The following JAKMIP2 variants were observed in gnomAD, a reference collection of about 807,000 sequenced individuals.
JAKMIP2 encodes janus kinase and microtubule-interacting protein 2.
In JAKMIP2, 25 loss-of-function variants were observed where a neutral mutation model predicts 115.0. That is an observed-to-expected ratio of 0.22 (90% CI 0.16 to 0.30). JAKMIP2 has a LOEUF of 0.30. JAKMIP2 is among the 10% of genes least tolerant of loss of function. The probability of loss-of-function intolerance (pLI) is 1.00; values close to 1 mark genes in which losing one functional copy is unlikely to be tolerated. For synonymous variants in JAKMIP2, 334 were observed against 343.6 expected (o/e 0.97, Z 0.31); for missense variants, 642 against 957.6 (o/e 0.67, Z 4.35).
intron 3 of JAKMIP2, among the ~76,000 whole-genome samples, chr5:147,658,413 T>C (rs1189611672): frequency 2.0e-5 from 3 of 152,218 alleles, no homozygotes; most frequent in South Asian, 4.1e-4. Flanking sequence ...ACTGGCCTGA[T>C]GCCAGCCAGA....
chr5:147,715,082 A>G (rs1752919799), intron 1 of JAKMIP2, among the ~76,000 whole-genome samples: 1 of 152,100 alleles, frequency 6.6e-6, no homozygotes, highest in South Asian at 2.1e-4. Flanking sequence ...AGAAACATAA[A>G]TGTATGTATT....
intron 1 of JAKMIP2, among the ~76,000 whole-genome samples, chr5:147,721,463 C>T (rs890628771): frequency 6.6e-6 from 1 of 152,182 alleles, no homozygotes; most frequent in African/African-American, 2.4e-5. Context: ...TGCCACCTTG[C>T]AGTTTGATCT....
Position 147,623,635 on chromosome 5 carries a change from A to G in JAKMIP2, c.2050T>C (p.Leu684=), listed in dbSNP as rs770939320. 3 of 1,607,220 alleles carry G rather than the reference A, an allele frequency of 1.9e-6. No individual in the cohort carries two copies. Among genetic ancestry groups the G allele is most frequent in the East Asian group, 4.5e-5 (2 of 44,836 alleles). The part of the protein sequence containing the change: ...EAALHQKMME[L]ESDMEQFCKI... ...CTTGTACTTACCATGTCACTTTCCAATTCCATCATTTTCTGGTGTAGGGCA... is the reference window on the plus strand; with the variant it reads ...CTTGTACTTACCATGTCACTTTCCAGTTCCATCATTTTCTGGTGTAGGGCA... The change falls in exon 17 of 22, where the codon TTG becomes CTG. Residue 684 remains leucine (L), a synonymous_variant. Transcript: ENST00000616793.
At chr5:147,650,051 T>G (rs1037077536) in intron 4 of JAKMIP2, among the ~76,000 whole-genome samples, 14 of 152,132 alleles carry the variant, frequency 9.2e-5, no homozygotes, top group Non-Finnish European at 7.4e-5. Context: ...TTCATCTAAT[T>G]TATGTTTCTT....
chr5:147,647,163 T>C (rs1036279024), intron 5 of JAKMIP2, among the ~76,000 whole-genome samples: 1 of 151,996 alleles, frequency 6.6e-6, no homozygotes, highest in East Asian at 1.9e-4. Context: ...CTGACTATAG[T>C]AGAATTAAGG....
intron 19 of JAKMIP2, among the ~76,000 whole-genome samples, chr5:147,613,778 T>C (rs759573835): frequency 6.6e-6 from 1 of 152,194 alleles, no homozygotes; most frequent in Non-Finnish European, 1.5e-5. Flanking sequence ...GTGCTGAAAT[T>C]GAGAAACTCT....
In JAKMIP2 at chr5:147,727,513, G is replaced by A. The variant is rs544053165; in HGVS notation, c.-149+54943C>T. Among the ~76,000 whole-genome samples the A allele has an allele frequency of 1.1e-3, 173 of 152,292 alleles. 1 individual carries two copies. The highest frequency in any genetic ancestry group is 1.9e-3 in the Non-Finnish European group (129 of 68,032). On this transcript the variant is annotated intron_variant, in intron 1 of 21. Coordinates refer to ENST00000616793, the MANE Select transcript of JAKMIP2 (RefSeq NM_001270941.2). ...TCACATGGCAGCAGGAGAGAATGCA[G>A]GAGGAACTGCCAAACACTTTTAAAG...
chr5:147,654,645 A>T (rs976935987), intron 3 of JAKMIP2, among the ~76,000 whole-genome samples: 1 of 152,182 alleles, frequency 6.6e-6, no homozygotes, highest in African/African-American at 2.4e-5. Context: ...ATACAGAATC[A>T]CGTCATCTGC....
chr5:147,761,971 A>C (rs2127048884), intron 1 of JAKMIP2, among the ~76,000 whole-genome samples: 1 of 152,282 alleles, frequency 6.6e-6, no homozygotes, highest in East Asian at 1.9e-4. Flanking sequence ...ACATGGGATA[A>C]AAATACATAT....
chr5:147,703,590 A>G (rs73271933), intron 1 of JAKMIP2, among the ~76,000 whole-genome samples: 11,658 of 147,836 alleles, frequency 0.079, 812 homozygotes, highest in East Asian at 0.33. Flanking sequence ...AGCGTACTGT[A>G]ACTTTTTTTT....
chr5:147,756,271 C>T (rs997023208), intron 1 of JAKMIP2, among the ~76,000 whole-genome samples: 2 of 152,072 alleles, frequency 1.3e-5, no homozygotes, highest in Admixed American at 6.6e-5. Context: ...GTTGTCTTTA[C>T]AGGAGAAATC....
chr5:147,665,831 A>C (rs531408660), intron 2 of JAKMIP2, among the ~76,000 whole-genome samples: 1 of 152,192 alleles, frequency 6.6e-6, no homozygotes, highest in Non-Finnish European at 1.5e-5. Flanking sequence ...ATTTATGTCA[A>C]ATTCTCTGGA....
chr5:147,661,678 T>C, intron 2 of JAKMIP2: 1 of 490,264 alleles, frequency 2.0e-6, no homozygotes, highest in Non-Finnish European at 3.6e-6. Flanking sequence ...TATTTGATGT[T>C]CTGGGGCCTT....
intron 18 of JAKMIP2, among the ~76,000 whole-genome samples, chr5:147,619,715 A>C (rs1163096197): frequency 6.6e-6 from 1 of 152,126 alleles, no homozygotes; most frequent in Admixed American, 6.5e-5. Flanking sequence ...TAATCAGCAT[A>C]ATCTTCTGTG....
In JAKMIP2 at chr5:147,705,916, T is replaced by C. The variant is rs555820923; in HGVS notation, c.-148-33962A>G. ...CCTGTGTTGTAGTGGGAGTATAAAG[T>C]AGCACAAGCTTTCTGCAGAGTAATC... On this transcript the variant is annotated intron_variant, in intron 1 of 21. Coordinates refer to ENST00000616793, the MANE Select transcript of JAKMIP2 (RefSeq NM_001270941.2). Among the ~76,000 whole-genome samples the C allele has an allele frequency of 2.4e-4, 36 of 152,338 alleles. No individual in the cohort carries two copies. The South Asian group carries it at 6.6e-3, about 28-fold the overall frequency.
At chr5:147,644,348 A>G (rs890397003) in intron 6 of JAKMIP2, 150 bp from the exon 7 acceptor site, 2 of 596,604 alleles carry the variant, frequency 3.4e-6, no homozygotes, top group Admixed American at 3.1e-5. Flanking sequence ...TAAATCCTCA[A>G]GCACATTTTA....
chr5:147,713,380 A>G (rs994911348), intron 1 of JAKMIP2, among the ~76,000 whole-genome samples: 1 of 152,206 alleles, frequency 6.6e-6, no homozygotes, highest in African/African-American at 2.4e-5. Flanking sequence ...TTTATTGAAC[A>G]TTCACTATAT....
chr5:147,695,153 G>C (rs886137237), intron 1 of JAKMIP2, among the ~76,000 whole-genome samples: 1 of 152,084 alleles, frequency 6.6e-6, no homozygotes, highest in Non-Finnish European at 1.5e-5. Context: ...GGACTCTTAT[G>C]GAATGATTTT....
chr5:147,753,468 G>A (rs528341349), intron 1 of JAKMIP2, among the ~76,000 whole-genome samples: 2 of 152,306 alleles, frequency 1.3e-5, no homozygotes, highest in East Asian at 3.9e-4. Context: ...GACTGGCAAG[G>A]CAATGACCTT....
Sources: gnomAD v4.1 joint callset for allele counts (sites outside exome capture counted in the v4.1 genomes callset) on GRCh38, gnomAD v4.1.1 for gene constraint, MANE v1.5 for transcripts, NCBI Gene and HGNC (gene_info 2026-07-23, HGNC 2026-07-21) for gene names.